Variants in DPYD observed in about 807,000 individuals in gnomAD.
DPYD encodes dihydropyrimidine dehydrogenase, also known as dihydropyrimidine dehydrogenase [NADP(+)].
DPYD carries 109 observed loss-of-function variants against 116.2 expected under a neutral mutation model. The observed-to-expected ratio is 0.94, with a 90% CI of 0.80 to 1.10. The LOEUF is 1.10. Ranked by LOEUF, DPYD falls within the 50% of genes least tolerant of loss-of-function variation. The probability of loss-of-function intolerance (pLI) is 0.00; values close to 1 mark genes in which losing one functional copy is unlikely to be tolerated. For missense variants in DPYD, 1,302 were observed against 1,254.5 expected, an observed-to-expected ratio of 1.04 and a Z score of -0.57; for synonymous variants, 440 against 432.0, an observed-to-expected ratio of 1.02 and a Z score of -0.23.
intron 14 of DPYD, chr1:97,420,193 C>G (rs1674506746): frequency 6.6e-6 from 1 of 152,152 alleles, no homozygotes; most frequent in African/African-American, 2.4e-5. Flanking sequence ...TCCTCAGTCT[C>G]TCTGATCTGT....
chr1:97,531,912 G>C (rs944830226), intron 12 of DPYD, among the ~76,000 whole-genome samples: 3 of 151,700 alleles, frequency 2.0e-5, no homozygotes, highest in African/African-American at 7.3e-5. Context: ...TTAATTTTTT[G>C]GATAGTTTAT....
intron 2 of DPYD, among the ~76,000 whole-genome samples, chr1:97,837,020 A>C (rs1669803144): frequency 6.6e-6 from 1 of 152,148 alleles, no homozygotes; most frequent in Non-Finnish European, 1.5e-5. Context: ...TTTTGTGTTA[A>C]GTTAAAATTC....
chr1:97,382,738 C>T (rs956057845), intron 14 of DPYD, among the ~76,000 whole-genome samples: 1 of 151,994 alleles, frequency 6.6e-6, no homozygotes. Flanking sequence ...TTCTCTTTTT[C>T]AAAATAGAGA....
At chr1:97,569,075 C>A (rs1019498434) in intron 11 of DPYD, among the ~76,000 whole-genome samples, 2 of 151,986 alleles carry the variant, frequency 1.3e-5, no homozygotes, top group Non-Finnish European at 2.9e-5. Context: ...TTCAACAAAT[C>A]ATAAAATTAT....
At chr1:97,886,700 A>T (rs1182408661) in intron 1 of DPYD, among the ~76,000 whole-genome samples, 1 of 152,070 alleles carries the variant, frequency 6.6e-6, no homozygotes, top group Non-Finnish European at 1.5e-5. Context: ...ACTTTATTTG[A>T]ACCTGTATGC....
At chr1:97,783,260 T>A (rs757699665) in intron 3 of DPYD, among the ~76,000 whole-genome samples, 10 of 152,250 alleles carry the variant, frequency 6.6e-5, no homozygotes, top group Non-Finnish European at 1.3e-4. Flanking sequence ...AATACTTTTA[T>A]ACAAGATGAC....
chr1:97,488,037 G>A (rs1335410489), intron 13 of DPYD, among the ~76,000 whole-genome samples: 5 of 151,916 alleles, frequency 3.3e-5, no homozygotes, highest in Admixed American at 3.3e-4. Context: ...TCCTTCAACA[G>A]GTGAATGGCT....
intron 13 of DPYD, among the ~76,000 whole-genome samples, chr1:97,455,878 C>T (rs6593649): frequency 3.3e-5 from 5 of 151,670 alleles, no homozygotes; most frequent in South Asian, 2.1e-4. Flanking sequence ...GCTTATATAA[C>T]GACAGTACTC....
chr1:97,466,705 G>A (rs1461100765), intron 13 of DPYD, among the ~76,000 whole-genome samples: 1 of 151,826 alleles, frequency 6.6e-6, no homozygotes, highest in East Asian at 1.9e-4. Context: ...GCTATTTTGG[G>A]GAAACACCAA....
intron 18 of DPYD, among the ~76,000 whole-genome samples, chr1:97,252,032 G>A (rs1014361038): frequency 7.0e-6 from 1 of 143,314 alleles, no homozygotes; most frequent in Non-Finnish European, 1.6e-5. Context: ...GTCACTCAAG[G>A]GTGTTATTCC....
chr1:97,649,308 A>G (rs1037199919), intron 8 of DPYD, among the ~76,000 whole-genome samples: 1 of 152,100 alleles, frequency 6.6e-6, no homozygotes, highest in Non-Finnish European at 1.5e-5. Flanking sequence ...TTTCCATTTA[A>G]AAACTGGATT....
intron 12 of DPYD, among the ~76,000 whole-genome samples, chr1:97,518,706 AGTGT>A (rs1648415128): frequency 2.0e-5 from 3 of 152,126 alleles, no homozygotes; most frequent in Non-Finnish European, 4.4e-5. Flanking sequence ...TTCATCCAGT[AGTGT>A]TAGTAAATAA....
At chr1:97,614,851 TAGTTAACAGCAA>T (rs1656169392) in intron 8 of DPYD, among the ~76,000 whole-genome samples, 1 of 152,128 alleles carries the variant, frequency 6.6e-6, no homozygotes. Context: ...GACTAAAATC[TAGTTAACAGCAA>T]AGTTAAGGCT....
intron 13 of DPYD, among the ~76,000 whole-genome samples, chr1:97,503,574 C>T (rs1462855646): frequency 1.3e-5 from 2 of 151,942 alleles, no homozygotes; most frequent in Non-Finnish European, 1.5e-5. Flanking sequence ...GATGCTCCTA[C>T]TCAACCTTTC....
At chr1:97,251,532 G>A (rs1345826258) in intron 18 of DPYD, among the ~76,000 whole-genome samples, 1 of 152,080 alleles carries the variant, frequency 6.6e-6, no homozygotes, top group Admixed American at 6.5e-5. Context: ...AGATGACCCA[G>A]TGAGAGCAAT....
chr1:97,379,177 G>A (rs1290668512), intron 15 of DPYD, among the ~76,000 whole-genome samples: 1 of 152,142 alleles, frequency 6.6e-6, no homozygotes, highest in East Asian at 1.9e-4. Flanking sequence ...AACAGGAAAA[G>A]CTCTGAGTTG....
intron 14 of DPYD, among the ~76,000 whole-genome samples, chr1:97,439,468 C>T (rs781129170): frequency 2.6e-4 from 39 of 152,124 alleles, no homozygotes; most frequent in Non-Finnish European, 1.5e-4. Context: ...AGGAAATTGT[C>T]CAGTTCACTT....
intron 14 of DPYD, among the ~76,000 whole-genome samples, chr1:97,440,924 T>C (rs1432417168): frequency 3.3e-5 from 5 of 152,194 alleles, no homozygotes; most frequent in South Asian, 2.1e-4. Context: ...ATTTCACTTA[T>C]ATTTTTAAAA....
intron 20 of DPYD, among the ~76,000 whole-genome samples, chr1:97,146,781 C>T (rs1654664677): frequency 6.6e-6 from 1 of 151,984 alleles, no homozygotes; most frequent in South Asian, 2.1e-4. Context: ...TACAATTACT[C>T]AAATAAATGT....
Sources: gnomAD v4.1 joint callset for allele counts (sites outside exome capture counted in the v4.1 genomes callset) on GRCh38, gnomAD v4.1.1 for gene constraint, MANE v1.5 for transcripts, NCBI Gene and HGNC (gene_info 2026-07-23, HGNC 2026-07-21) for gene names.